The following SLC25A21 variants were observed in gnomAD, a reference collection of about 807,000 sequenced individuals.
SLC25A21 encodes the protein solute carrier family 25 member 21.
A neutral mutation model predicts 43.8 loss-of-function variants in SLC25A21; 47 were observed. The ratio of observed to expected loss-of-function variants is 1.07; its 90% CI spans 0.85 to 1.37. The LOEUF is 1.37. SLC25A21 is among the 40% of genes most tolerant of loss of function. The pLI is 0.00. For synonymous variants in SLC25A21, 131 were observed against 121.3 expected, an observed-to-expected ratio of 1.08 and a Z score of -0.52; for missense variants, 352 against 350.2, an observed-to-expected ratio of 1.00 and a Z score of -0.04.
At chr14:36,900,982 A>G (rs1261999053) in intron 1 of SLC25A21, among the ~76,000 whole-genome samples, 2 of 152,202 alleles carry the variant, frequency 1.3e-5, no homozygotes, top group Non-Finnish European at 1.5e-5. Context: ...ACCACTTTAC[A>G]GAAGTGAAAT....
Position 36,976,055 on chromosome 14 carries a change from GT to G in SLC25A21, c.71-101052del, listed in dbSNP as rs150535633. Among the ~76,000 whole-genome samples, 180 of 152,302 alleles carry G rather than the reference GT, an allele frequency of 1.2e-3. 1 individual carries two copies. The highest frequency in any genetic ancestry group is 4.1e-3 in the African/African-American group (169 of 41,552). ...AAGGACAGCAGCAATGCCATCTGCT[GT>G]TTGCTTAGAAAAATGGTAAGAGCAG... On this transcript the variant is annotated intron_variant, in intron 1 of 9. Coordinates refer to ENST00000331299, the MANE Select transcript of SLC25A21 (RefSeq NM_030631.4).
chr14:36,790,859 A>G (rs892612336), intron 3 of SLC25A21, among the ~76,000 whole-genome samples: 2 of 152,156 alleles, frequency 1.3e-5, no homozygotes, highest in Non-Finnish European at 2.9e-5. Flanking sequence ...TTGTACTGGA[A>G]AAAAGGGGAG....
intron 1 of SLC25A21, among the ~76,000 whole-genome samples, chr14:37,021,846 A>C (rs1594756062): frequency 6.6e-6 from 1 of 152,108 alleles, no homozygotes; most frequent in South Asian, 2.1e-4. Flanking sequence ...AAGTATATAC[A>C]AAGGAGATTC....
intron 7 of SLC25A21, among the ~76,000 whole-genome samples, chr14:36,698,534 T>A (rs1566508562): frequency 6.6e-6 from 1 of 152,242 alleles, no homozygotes; most frequent in African/African-American, 2.4e-5. Context: ...ATTCTTCCCA[T>A]CACTTTCAGG....
intron 1 of SLC25A21, among the ~76,000 whole-genome samples, chr14:37,129,713 A>C (rs1483521715): frequency 4.0e-5 from 6 of 151,770 alleles, no homozygotes; most frequent in Non-Finnish European, 8.8e-5. Context: ...GCAGACAATC[A>C]ATATTCCATT....
chr14:37,162,851 T>C (rs987170798), intron 1 of SLC25A21, among the ~76,000 whole-genome samples: 98 of 152,288 alleles, frequency 6.4e-4, no homozygotes, highest in Middle Eastern at 3.4e-3. Flanking sequence ...TGTATGTTTA[T>C]TGCAGCACTA....
chr14:36,875,564 A>G (rs1890496681), intron 1 of SLC25A21, among the ~76,000 whole-genome samples: 1 of 152,224 alleles, frequency 6.6e-6, no homozygotes, highest in Admixed American at 6.5e-5. Flanking sequence ...ACTGTGTGCT[A>G]GGCATTGTTC....
At chr14:36,878,149 T>A (rs1361199086) in intron 1 of SLC25A21, among the ~76,000 whole-genome samples, 1 of 152,094 alleles carries the variant, frequency 6.6e-6, no homozygotes, top group Non-Finnish European at 1.5e-5. Flanking sequence ...TAAAAACACC[T>A]TCTCTCATCA....
At chr14:37,119,963 T>C (rs1414436201) in intron 1 of SLC25A21, among the ~76,000 whole-genome samples, 2 of 152,166 alleles carry the variant, frequency 1.3e-5, no homozygotes, top group Non-Finnish European at 2.9e-5. Context: ...AGAAGGAGAT[T>C]CAATGTTCAG....
intron 3 of SLC25A21, among the ~76,000 whole-genome samples, chr14:36,762,336 A>G (rs1166638288): frequency 6.6e-6 from 1 of 152,138 alleles, no homozygotes; most frequent in Non-Finnish European, 1.5e-5. Context: ...GCATGAGGAG[A>G]CTGGGCTCAG....
chr14:36,858,963 T>C (rs1302327950), intron 2 of SLC25A21, among the ~76,000 whole-genome samples: 5 of 152,166 alleles, frequency 3.3e-5, no homozygotes, highest in African/African-American at 9.7e-5. Flanking sequence ...AACAAGGAAA[T>C]AGAAATTCTA....
chr14:36,731,110 C>T (rs1344075220), intron 4 of SLC25A21, among the ~76,000 whole-genome samples: 2 of 151,822 alleles, frequency 1.3e-5, no homozygotes, highest in Non-Finnish European at 2.9e-5. Context: ...GTAGCTGGGA[C>T]TACAGGCGCC....
intron 3 of SLC25A21, among the ~76,000 whole-genome samples, chr14:36,763,096 CA>C (rs1188871568): frequency 6.6e-6 from 1 of 152,086 alleles, no homozygotes; most frequent in Non-Finnish European, 1.5e-5. Context: ...CTTGGAATTT[CA>C]AAAAGTAAGA....
intron 3 of SLC25A21, among the ~76,000 whole-genome samples, chr14:36,784,598 G>C (rs78152506): frequency 0.013 from 1,976 of 152,286 alleles, 25 homozygotes; most frequent in South Asian, 0.061. Context: ...CCCTAGATTA[G>C]AGCACATCTC....
At chr14:36,725,095 C>G (rs1264555025) in intron 6 of SLC25A21, 1 of 152,158 alleles carries the variant, frequency 6.6e-6, no homozygotes, top group African/African-American at 2.4e-5. Flanking sequence ...TTGATTTTTT[C>G]TTACGCTATT....
At chr14:37,005,315 G>C (rs150853148) in intron 1 of SLC25A21, among the ~76,000 whole-genome samples, 150 of 152,160 alleles carry the variant, frequency 9.9e-4, no homozygotes, top group Middle Eastern at 6.8e-3. Flanking sequence ...AGGAAGCTCA[G>C]GCAGCTCTTC....
At chr14:37,081,210 A>G (rs146312457) in intron 1 of SLC25A21, among the ~76,000 whole-genome samples, 44 of 152,350 alleles carry the variant, frequency 2.9e-4, no homozygotes, top group Middle Eastern at 3.4e-3. Flanking sequence ...AGGCATTACA[A>G]TGTTACCTAA....
chr14:37,134,186 G>C (rs1226067628), intron 1 of SLC25A21, among the ~76,000 whole-genome samples: 1 of 152,150 alleles, frequency 6.6e-6, no homozygotes, highest in East Asian at 1.9e-4. Context: ...ATAGAATAAA[G>C]ATCAGAATAA....
At chr14:36,850,381 T>A (rs1316906110) in intron 2 of SLC25A21, among the ~76,000 whole-genome samples, 1 of 152,154 alleles carries the variant, frequency 6.6e-6, no homozygotes, top group Non-Finnish European at 1.5e-5. Flanking sequence ...ATCAGTCAAG[T>A]CACACTGAAT....
Sources: gnomAD v4.1 joint callset for allele counts (sites outside exome capture counted in the v4.1 genomes callset) on GRCh38, gnomAD v4.1.1 for gene constraint, MANE v1.5 for transcripts, NCBI Gene and HGNC (gene_info 2026-07-23, HGNC 2026-07-21) for gene names.